Variants in LYPLAL1 observed in about 807,000 individuals in gnomAD.
LYPLAL1 encodes lysophospholipase like 1.
LYPLAL1 carries 23 observed loss-of-function variants against 19.7 expected under a neutral mutation model. The ratio of observed to expected loss-of-function variants is 1.17; its 90% CI spans 0.84 to 1.65. The LOEUF (loss-of-function observed/expected upper bound fraction) is 1.65. Ranked by LOEUF, LYPLAL1 falls within the 40% of genes most tolerant of loss-of-function variation. The pLI, the probability that LYPLAL1 is intolerant of heterozygous loss-of-function variation, is 0.00. For missense variants in LYPLAL1, 355 were observed against 279.4 expected (o/e 1.27, Z -1.93); for synonymous variants, 119 against 96.3 (o/e 1.24, Z -1.38).
intron 1 of LYPLAL1, chr1:219,174,216 C>T: frequency 1.4e-6 from 2 of 1,396,568 alleles, no homozygotes; most frequent in Non-Finnish European, 1.9e-6. Flanking sequence ...CGCTTTGGGG[C>T]CTTGTGTCCC....
At chr1:219,210,722 T>G (rs1658965334) in intron 4 of LYPLAL1, 75 bp downstream of exon 4, 1 of 1,366,802 alleles carries the variant, frequency 7.3e-7, no homozygotes, top group African/African-American at 1.5e-5. Context: ...AAATCGGTAA[T>G]AAAGCTGTAA....
chr1:219,374,776 T>C, the LYPLAL1 span, among the ~76,000 whole-genome samples: 1 of 152,252 alleles, frequency 6.6e-6, no homozygotes, highest in African/African-American at 2.4e-5. Flanking sequence ...ATTAACCAGC[T>C]TGAAAATGCC....
chr1:219,235,196 A>G, the LYPLAL1 span, among the ~76,000 whole-genome samples: 5 of 152,204 alleles, frequency 3.3e-5, no homozygotes, highest in African/African-American at 1.2e-4. Flanking sequence ...GACACTTTGC[A>G]GAAGCTTGAG....
At chr1:219,236,383 TGA>T in the LYPLAL1 span, among the ~76,000 whole-genome samples, 1 of 152,258 alleles carries the variant, frequency 6.6e-6, no homozygotes, top group Non-Finnish European at 1.5e-5. Flanking sequence ...AAGCAAGTAA[TGA>T]TACCTCCATT....
chr1:219,210,476 C>T (rs1176241192), intron 3 of LYPLAL1, 56 bp from the exon 4 acceptor site: 6 of 1,142,258 alleles, frequency 5.3e-6, no homozygotes, highest in Non-Finnish European at 7.5e-6. Context: ...TGTTATATAT[C>T]ATATCCTAAA....
the LYPLAL1 span, among the ~76,000 whole-genome samples, chr1:219,366,104 G>A: frequency 6.6e-6 from 1 of 152,128 alleles, no homozygotes; most frequent in African/African-American, 2.4e-5. Context: ...TATAGTGGGA[G>A]TGAGCTACCT....
At chr1:219,234,015 CTG>C in the LYPLAL1 span, among the ~76,000 whole-genome samples, 1 of 152,118 alleles carries the variant, frequency 6.6e-6, no homozygotes, top group Admixed American at 6.5e-5. Flanking sequence ...ATCAGAAAGA[CTG>C]TAGCATCTTA....
At chr1:219,302,562 T>C in the LYPLAL1 span, among the ~76,000 whole-genome samples, 3 of 152,128 alleles carry the variant, frequency 2.0e-5, no homozygotes, top group Non-Finnish European at 4.4e-5. Context: ...AGTTTCCATA[T>C]CTCTCTGAGT....
the LYPLAL1 span, among the ~76,000 whole-genome samples, chr1:219,342,134 A>G: frequency 6.6e-6 from 1 of 152,130 alleles, no homozygotes; most frequent in Non-Finnish European, 1.5e-5. Flanking sequence ...GCATCTGGGT[A>G]TCAATAATGA....
At chr1:219,201,281 G>T (rs1658075920) in intron 3 of LYPLAL1, among the ~76,000 whole-genome samples, 3 of 151,044 alleles carry the variant, frequency 2.0e-5, no homozygotes, top group East Asian at 1.9e-4. Flanking sequence ...TAGAACGTGG[G>T]TGAATATAAA....
the LYPLAL1 span, among the ~76,000 whole-genome samples, chr1:219,369,189 A>G: frequency 6.6e-6 from 1 of 152,274 alleles, no homozygotes; most frequent in East Asian, 1.9e-4. Flanking sequence ...AAATTGTCAC[A>G]TCAGCATCTG....
the LYPLAL1 span, among the ~76,000 whole-genome samples, chr1:219,313,696 A>G: frequency 6.6e-6 from 1 of 151,756 alleles, no homozygotes; most frequent in African/African-American, 2.4e-5. Context: ...CACCACACTC[A>G]GTTAATTTTT....
the LYPLAL1 span, among the ~76,000 whole-genome samples, chr1:219,298,045 C>T: frequency 6.6e-6 from 1 of 152,178 alleles, no homozygotes; most frequent in South Asian, 2.1e-4. Context: ...ATGGGTGGCT[C>T]ATGCCTGTAA....
chr1:219,244,559 G>C, the LYPLAL1 span, among the ~76,000 whole-genome samples: 1 of 152,238 alleles, frequency 6.6e-6, no homozygotes, highest in South Asian at 2.1e-4. Flanking sequence ...GTGCACACTT[G>C]GGGATTAGGA....
chr1:219,409,847 G>T, the LYPLAL1 span: 3 of 152,186 alleles, frequency 2.0e-5, no homozygotes, highest in African/African-American at 7.2e-5. Flanking sequence ...AGGGGAGTCT[G>T]GGACAGACCA....
At chr1:219,231,177 C>A in the LYPLAL1 span, among the ~76,000 whole-genome samples, 1 of 152,098 alleles carries the variant, frequency 6.6e-6, no homozygotes, top group African/African-American at 2.4e-5. Context: ...CTTAACAATT[C>A]CATACAGATG....
At chr1:219,350,723 G>A in the LYPLAL1 span, among the ~76,000 whole-genome samples, 1 of 152,146 alleles carries the variant, frequency 6.6e-6, no homozygotes, top group South Asian at 2.1e-4. Context: ...CAAGGGAAAT[G>A]CTTTTCTAAG....
chr1:219,383,238 T>C, the LYPLAL1 span, among the ~76,000 whole-genome samples: 1 of 152,254 alleles, frequency 6.6e-6, no homozygotes, highest in African/African-American at 2.4e-5. Flanking sequence ...TTCTTCACTT[T>C]ATATTCTACT....
At chr1:219,234,215 C>A in the LYPLAL1 span, among the ~76,000 whole-genome samples, 1 of 152,070 alleles carries the variant, frequency 6.6e-6, no homozygotes, top group Non-Finnish European at 1.5e-5. Flanking sequence ...AAAGAATATA[C>A]TAATAAATCA....
Sources: allele counts gnomAD v4.1 joint callset (sites outside exome capture counted in the v4.1 genomes callset), GRCh38; gene constraint gnomAD v4.1.1; transcripts MANE v1.5; gene names NCBI Gene and HGNC (gene_info 2026-07-23, HGNC 2026-07-21).